Variants in CNTN4 observed in about 807,000 individuals in gnomAD.
The protein encoded by CNTN4 is contactin 4, also known as contactin-4.
Under a neutral mutation model 122.5 loss-of-function variants are expected in CNTN4, and 77 were observed. That is an observed-to-expected ratio of 0.63 (90% CI 0.52 to 0.76). CNTN4 has a LOEUF of 0.76. Among genes scored for constraint, CNTN4 ranks in the 30% least tolerant of loss-of-function variants. CNTN4 has a pLI of 0.00. For missense variants in CNTN4, 1,256 were observed against 1,259.1 expected (o/e 1.00, Z 0.04); for synonymous variants, 512 against 447.0 (o/e 1.15, Z -1.83).
At chr3:2,376,066 G>GA (rs780636583) in intron 3 of CNTN4, among the ~76,000 whole-genome samples, 5 of 151,660 alleles carry the variant, frequency 3.3e-5, no homozygotes, top group Admixed American at 6.6e-5. Context: ...GCTTGTGAAA[G>GA]AAAAAAAATA....
rs115710191 is a variant in CNTN4, at chr3:2,385,034, G to C, written c.-89+45801G>C. ...AGATCCTCCTTTTCTCTCTTGCTTC[G>C]CCTCTTACTCTTCCTTCCTAACTGG... On this transcript the variant is annotated intron_variant, in intron 3 of 24. Transcript: ENST00000418658. This position sits in a 1 kb window ranked among gnomAD's most constrained non-coding sequence, Gnocchi z 4.0. Among the ~76,000 whole-genome samples, 2 of 151,692 alleles carry C rather than the reference G, an allele frequency of 1.3e-5. No homozygotes were observed. The highest frequency in any genetic ancestry group is 4.9e-5 in the African/African-American group (2 of 41,208).
chr3:2,793,842 A>C lies in CNTN4; in HGVS notation c.359-25644A>C, dbSNP rs75106026. 6.0e-3 allele frequency among the ~76,000 whole-genome samples: 920 copies of C among 152,312 alleles called. 11 individuals are homozygous for C. Among genetic ancestry groups the C allele is most frequent in the African/African-American group, 0.02 (826 of 41,566 alleles). On this transcript the variant is annotated intron_variant, in intron 6 of 24. Coordinates refer to ENST00000418658, the MANE Select transcript of CNTN4 (RefSeq NM_175607.3). ...GGAACTTCAGATTCTGAGACATTAA[A>C]AGGGCCCACATAGCATTCAGTTAGT...
rs368979927 is a variant in CNTN4, at chr3:2,707,305, CA to C, written c.56-28899del. Among the ~76,000 whole-genome samples the C allele has an allele frequency of 1.5e-3, 209 of 138,694 alleles. 1 individual carries two copies. Among genetic ancestry groups the C allele is most frequent in the African/African-American group, 4.4e-3 (168 of 37,890 alleles). 91.0% of individuals were successfully genotyped at this position (138,694 alleles called of 152,430 possible). ...TGGATGACAGAGCAAGACCATGTCT[CA>C]AAAAAAAAAACCCAAAAAAAACAGA... is the stretch of plus-strand genomic sequence containing the variant. On this transcript the variant is annotated intron_variant, in intron 4 of 24. Coordinates refer to ENST00000418658, the MANE Select transcript of CNTN4 (RefSeq NM_175607.3).
At chr3:2,981,908 T>G (rs2125213259) in intron 13 of CNTN4, among the ~76,000 whole-genome samples, 1 of 151,816 alleles carries the variant, frequency 6.6e-6, no homozygotes, top group Admixed American at 6.6e-5. Flanking sequence ...TAGCTAGACG[T>G]GGGGGTACAT....
intron 7 of CNTN4, among the ~76,000 whole-genome samples, chr3:2,854,808 G>A (rs533198104): frequency 6.6e-6 from 1 of 152,098 alleles, no homozygotes; most frequent in African/African-American, 2.4e-5. Context: ...AATAATTAGA[G>A]TTAAACTGAC....
chr3:2,895,375 A>C (rs1485822269), intron 10 of CNTN4, among the ~76,000 whole-genome samples: 2 of 152,220 alleles, frequency 1.3e-5, no homozygotes, highest in African/African-American at 2.4e-5. Flanking sequence ...ACATTCAGAA[A>C]TCTTACTTGT....
intron 6 of CNTN4, among the ~76,000 whole-genome samples, chr3:2,791,806 G>A (rs192504545): frequency 2.0e-5 from 3 of 152,308 alleles, no homozygotes; most frequent in South Asian, 2.1e-4. Context: ...CCTGATGGCT[G>A]CCCTAGCATT....
chr3:2,786,410 G>T (rs950131522), intron 6 of CNTN4, among the ~76,000 whole-genome samples: 1 of 152,170 alleles, frequency 6.6e-6, no homozygotes, highest in African/African-American at 2.4e-5. Context: ...CCTGCCAGTT[G>T]CCCAGAAGTG....
chr3:2,821,483 G>GT (rs756641472), intron 7 of CNTN4, among the ~76,000 whole-genome samples: 2 of 152,170 alleles, frequency 1.3e-5, no homozygotes, highest in Non-Finnish European at 2.9e-5. Flanking sequence ...CTTTATTATC[G>GT]TAAGTTTTCT....
At chr3:2,351,741 G>T (rs2044631957) in intron 3 of CNTN4, among the ~76,000 whole-genome samples, 1 of 151,802 alleles carries the variant, frequency 6.6e-6, no homozygotes, top group Non-Finnish European at 1.5e-5. Context: ...ATAGATAAGA[G>T]GGGACTACTG....
intron 3 of CNTN4, among the ~76,000 whole-genome samples, chr3:2,566,308 C>A (rs2079156481): frequency 6.6e-6 from 1 of 152,176 alleles, no homozygotes; most frequent in Non-Finnish European, 1.5e-5. Flanking sequence ...CTATTGATTT[C>A]TAGATATTTA....
intron 2 of CNTN4, among the ~76,000 whole-genome samples, chr3:2,188,060 G>C (rs1334285733): frequency 6.6e-6 from 1 of 152,156 alleles, no homozygotes; most frequent in Non-Finnish European, 1.5e-5. Flanking sequence ...CCTGGATCAA[G>C]GAAGGATCAA....
At chr3:2,176,878 T>G (rs2036770318) in intron 2 of CNTN4, among the ~76,000 whole-genome samples, 1 of 152,172 alleles carries the variant, frequency 6.6e-6, no homozygotes, top group African/African-American at 2.4e-5. Context: ...TTTCTGAATT[T>G]ATAAGAATAT....
intron 2 of CNTN4, among the ~76,000 whole-genome samples, chr3:2,165,629 T>G (rs1287277239): frequency 6.6e-6 from 1 of 152,166 alleles, no homozygotes; most frequent in African/African-American, 2.4e-5. Flanking sequence ...CAGAAATCAT[T>G]CATTCATTAG....
At chr3:3,049,883 C>T (rs1574937337) in intron 23 of CNTN4, among the ~76,000 whole-genome samples, 1 of 152,194 alleles carries the variant, frequency 6.6e-6, no homozygotes, top group Non-Finnish European at 1.5e-5. Context: ...CAACTCCAAC[C>T]AGTTGTTGGC....
chr3:2,562,577 T>G (rs1400881453), intron 3 of CNTN4, among the ~76,000 whole-genome samples: 5 of 152,222 alleles, frequency 3.3e-5, no homozygotes, highest in African/African-American at 1.2e-4. Context: ...TTTTCATTGT[T>G]GCATAGTATT....
At position 2,307,304 on chromosome 3, in the gene CNTN4, G is replaced by A. The variant is rs937583344; in HGVS notation, c.-144-31874G>A. 2.2e-4 allele frequency among the ~76,000 whole-genome samples: 33 copies of A among 152,010 alleles called. 1 individual carries two copies. Among genetic ancestry groups the A allele is most frequent in the Admixed American group, 9.8e-4 (15 of 15,268 alleles). The stretch of plus-strand genomic sequence containing the variant: ...CAAAAATGTAGCCGGGCGTGGTGGC[G>A]GGCGCCTGTAGTCCCAGCTACTGGG... On this transcript the variant is annotated intron_variant, in intron 2 of 24. Transcript: ENST00000418658.
At chr3:2,119,444 G>A (rs1430322460) in intron 2 of CNTN4, among the ~76,000 whole-genome samples, 1 of 152,086 alleles carries the variant, frequency 6.6e-6, no homozygotes, top group Non-Finnish European at 1.5e-5. Flanking sequence ...GTCCTTACCC[G>A]CAAAATCAAC....
chr3:2,527,071 A>G (rs145327322), intron 3 of CNTN4, among the ~76,000 whole-genome samples: 18 of 152,296 alleles, frequency 1.2e-4, no homozygotes, highest in African/African-American at 4.3e-4. Context: ...CTGTCCTGGC[A>G]TTCCTTAAGA....
Sources: allele counts gnomAD v4.1 joint callset (sites outside exome capture counted in the v4.1 genomes callset), GRCh38; gene constraint gnomAD v4.1.1; non-coding constraint Gnocchi (gnomAD v3.1); transcripts MANE v1.5; gene names NCBI Gene and HGNC (gene_info 2026-07-23, HGNC 2026-07-21).